HDAC2: variants seen among roughly 807,000 people sequenced by gnomAD.
HDAC2 encodes the protein histone deacetylase 2.
In HDAC2, 5 loss-of-function variants were observed where a neutral mutation model predicts 68.5. The observed-to-expected ratio is 0.07, with a 90% CI of 0.04 to 0.15. HDAC2 has a LOEUF of 0.15. HDAC2 is among the 10% of genes least tolerant of loss of function. The pLI is 1.00. For synonymous variants in HDAC2, 182 were observed against 191.3 expected (o/e 0.95, Z 0.40); for missense variants, 291 against 600.8 (o/e 0.48, Z 5.39).
intron 6 of HDAC2, 128 bp downstream of exon 6, chr6:113,953,149 C>T (rs149157461): frequency 3.4e-4 from 226 of 657,862 alleles, no homozygotes; most frequent in African/African-American, 3.2e-3. Context: ...TTACTGCATA[C>T]GTAGTAATTC....
At position 113,958,509 on chromosome 6, in the gene HDAC2, T is replaced by TA. The variant is rs566049683; in HGVS notation, c.283+139dup. ...TTTTCTTAAGTAGCTTTAGTAGTGT[T>TA]AAAATGACTTTTCAAATCAGTAAAT... On this transcript the variant is annotated intron_variant, in intron 3 of 13. Coordinates refer to ENST00000519065, the MANE Select transcript of HDAC2 (RefSeq NM_001527.4). The TA allele has an allele frequency of 8.9e-4, 506 of 570,002 alleles. 2 individuals are homozygous for TA. Among genetic ancestry groups the TA allele is most frequent in the Non-Finnish European group, 3.2e-4 (105 of 326,096 alleles). 35.3% of individuals were successfully genotyped at this position (570,002 alleles called of 1,614,324 possible).
In HDAC2 at chr6:113,946,334, T is replaced by C. The variant is rs1562141721; in HGVS notation, c.842-186A>G. The C allele has an allele frequency of 2.5e-5, 11 of 443,812 alleles. No individual in the cohort carries two copies. In the East Asian group the frequency reaches 2.6e-4, roughly 10 times the overall value. 27.5% of individuals were successfully genotyped at this position (443,812 alleles called of 1,614,324 possible). ...CCTTTCCAAACACGTTATACAATAA[T>C]ACATATTAAAAAATTAAGATATAAC... On this transcript the variant is annotated intron_variant, in intron 8 of 13. Coordinates refer to ENST00000519065, the MANE Select transcript of HDAC2 (RefSeq NM_001527.4).
chr6:113,967,133 G>C (rs769643039), intron 1 of HDAC2, among the ~76,000 whole-genome samples: 2 of 152,060 alleles, frequency 1.3e-5, no homozygotes, highest in Non-Finnish European at 2.9e-5. Flanking sequence ...ACGTTGGGAG[G>C]TATCATCTTG....
intron 1 of HDAC2, among the ~76,000 whole-genome samples, chr6:113,966,924 T>C (rs183790468): frequency 6.6e-6 from 1 of 152,350 alleles, no homozygotes; most frequent in Admixed American, 6.5e-5. Context: ...CTATAATTAA[T>C]TTAGCACTTA....
At chr6:113,956,776 T>A in intron 3 of HDAC2, 83 bp from the exon 4 acceptor site, 1 of 995,000 alleles carries the variant, frequency 1.0e-6, no homozygotes, top group Admixed American at 1.9e-5. Context: ...TTCCCACAAA[T>A]ACTTTTTTGC....
At chr6:113,963,076 T>C (rs1776726926) in intron 1 of HDAC2, among the ~76,000 whole-genome samples, 1 of 151,980 alleles carries the variant, frequency 6.6e-6, no homozygotes, top group Non-Finnish European at 1.5e-5. Context: ...GGCTACTTTG[T>C]AGGCATCCAC....
chr6:113,956,629 G>A lies in HDAC2; in HGVS notation c.348C>T (p.Gly116=), dbSNP rs373430125. 7 of 1,608,874 alleles carry A rather than the reference G, an allele frequency of 4.4e-6. No homozygotes were observed. Among genetic ancestry groups the A allele is most frequent in the East Asian group, 2.2e-5 (1 of 44,798 alleles). ...GLFEFCQLST[G]GSVAGAVKLN... ...TGCATTAGCACTTACCAACTGAACC[G>A]CCAGTTGAGAGCTGACAAAACTCAA... Residue 116 remains glycine (G), a synonymous_variant, in exon 4 of 14, where the codon GGC becomes GGT. Coordinates refer to ENST00000519065, the MANE Select transcript of HDAC2 (RefSeq NM_001527.4).
At chr6:113,960,107 AT>A in intron 1 of HDAC2, 89 bp from the exon 2 acceptor site, 1 of 725,576 alleles carries the variant, frequency 1.4e-6, no homozygotes, top group South Asian at 1.6e-5. Context: ...ATTAGAAGGC[AT>A]TTACTACTTA....
intron 1 of HDAC2, among the ~76,000 whole-genome samples, chr6:113,964,282 G>C (rs1776760195): frequency 6.6e-6 from 1 of 151,346 alleles, no homozygotes; most frequent in Non-Finnish European, 1.5e-5. Flanking sequence ...CAAGAGAAAA[G>C]AAAAAAGTTT....
intron 3 of HDAC2, 43 bp downstream of exon 3, chr6:113,958,606 T>C (rs755272179): frequency 4.3e-6 from 4 of 925,600 alleles, no homozygotes; most frequent in South Asian, 4.3e-5. Context: ...AAATACTAAT[T>C]TACATTTATC....
At chr6:113,960,452 C>T (rs918994174) in intron 1 of HDAC2, among the ~76,000 whole-genome samples, 8 of 151,966 alleles carry the variant, frequency 5.3e-5, no homozygotes, top group Admixed American at 3.9e-4. Flanking sequence ...TCATAATTGG[C>T]GTTTTGCATG....
Position 113,970,747 on chromosome 6 carries a change from C to T in HDAC2, c.52+110G>A, listed in dbSNP as rs1776978746. 5 of 1,420,594 alleles carry T rather than the reference C, an allele frequency of 3.5e-6. No homozygotes were observed. The South Asian group carries it at 4.6e-5, about 13-fold the overall frequency. The allele number at this position is 1,420,594 out of a possible 1,614,324, so 88.0% of individuals were successfully genotyped here. ...AACGGGTTAAGATGCGGCCAAATGT[C>T]GGTCCCTCCTCCTTCCCACCCCTCA... On this transcript the variant is annotated intron_variant, in intron 1 of 13. Transcript: ENST00000519065.
intron 9 of HDAC2, among the ~76,000 whole-genome samples, chr6:113,945,795 T>C (rs1310797384): frequency 6.6e-6 from 1 of 152,234 alleles, no homozygotes; most frequent in Non-Finnish European, 1.5e-5. Context: ...TATTAGATTA[T>C]TTTGTCCAAC....
At chr6:113,950,099 G>A (rs1396488791) in intron 6 of HDAC2, among the ~76,000 whole-genome samples, 2 of 152,012 alleles carry the variant, frequency 1.3e-5, no homozygotes, top group Non-Finnish European at 2.9e-5. Context: ...GTTCTTAATT[G>A]GACTTGGACT....
chr6:113,944,290 C>G lies in HDAC2; in HGVS notation c.1212G>C (p.Lys404Asn). Residue 404 changes from lysine to asparagine, a missense_variant, in exon 11 of 14, where the codon AAG (lysine) becomes AAC (asparagine). Transcript: ENST00000519065. Reference protein sequence around the residue: ...SGDEDGEDPDKRISIRASDKR... With the variant: ...SGDEDGEDPDNRISIRASDKR... ...AAGGCATTATCTTACTAGAAATTCTCTTGTCTGGATCTTCTCCATCTTCAT... is the reference window on the plus strand; with the variant it reads ...AAGGCATTATCTTACTAGAAATTCTGTTGTCTGGATCTTCTCCATCTTCAT... The G allele has an allele frequency of 6.2e-7, 1 of 1,612,118 alleles. No individual in the cohort carries two copies. The highest frequency in any genetic ancestry group is 8.5e-7 in the Non-Finnish European group (1 of 1,178,462).
intron 6 of HDAC2, among the ~76,000 whole-genome samples, chr6:113,949,928 T>C (rs1326829895): frequency 3.3e-5 from 5 of 152,052 alleles, no homozygotes; most frequent in Admixed American, 2.0e-4. Context: ...ATTACAGGCA[T>C]GTGCCACCAT....
Position 113,936,638 on chromosome 6 carries a change from C to T in HDAC2, c.*4420G>A, listed in dbSNP as rs1189870894. On this transcript the variant is annotated 3_prime_UTR_variant, in exon 14 of 14. Transcript: ENST00000519065. ...ACAACCCATCTGGCATCTAAAGGAA[C>T]ACTCAAAAATTTAACACTTCCCCTG... 1 of 152,234 alleles carries T rather than the reference C, an allele frequency of 6.6e-6. No homozygotes were observed. The highest frequency in any genetic ancestry group is 1.5e-5 in the Non-Finnish European group (1 of 68,106). 9.4% of individuals were successfully genotyped at this position (152,234 alleles called of 1,614,324 possible). A position where few individuals can be genotyped will look rare whatever the true frequency, so the allele number is the denominator to read the frequency against.
chr6:113,962,492 A>G (rs538695860), intron 1 of HDAC2: 1 of 189,254 alleles, frequency 5.3e-6, no homozygotes, highest in Non-Finnish European at 9.8e-6. Flanking sequence ...TGTACCTAAT[A>G]TATCAGAGTA....
chr6:113,960,156 T>C, intron 1 of HDAC2, 138 bp from the exon 2 acceptor site: 1 of 642,696 alleles, frequency 1.6e-6, no homozygotes, highest in South Asian at 1.8e-5. Context: ...TTAGATTTAT[T>C]TTGCAACTTT....
Sources: gnomAD v4.1 joint callset for allele counts (sites outside exome capture counted in the v4.1 genomes callset) on GRCh38, gnomAD v4.1.1 for gene constraint, MANE v1.5 for transcripts, NCBI Gene and HGNC (gene_info 2026-07-23, HGNC 2026-07-21) for gene names.